NEK10: variants seen among roughly 807,000 people sequenced by gnomAD.
NEK10 encodes NIMA related kinase 10.
A neutral mutation model predicts 159.8 loss-of-function variants in NEK10; 122 were observed. That is an observed-to-expected ratio of 0.76 (90% CI 0.66 to 0.89). The LOEUF (loss-of-function observed/expected upper bound fraction) is 0.89, where lower values mean the gene tolerates loss of function less well. Among genes scored for constraint, NEK10 ranks in the 40% least tolerant of loss-of-function variants. The probability of loss-of-function intolerance (pLI) is 0.00; values close to 1 mark genes in which losing one functional copy is unlikely to be tolerated. For synonymous variants in NEK10, 466 were observed against 457.1 expected, an observed-to-expected ratio of 1.02 and a Z score of -0.25; for missense variants, 1,342 against 1,323.1, an observed-to-expected ratio of 1.01 and a Z score of -0.22.
chr3:27,231,015 T>C (rs775807722), intron 23 of NEK10, among the ~76,000 whole-genome samples: 3 of 151,970 alleles, frequency 2.0e-5, no homozygotes, highest in African/African-American at 4.8e-5. Context: ...CAAATGGACT[T>C]AACAGGTATT....
chr3:27,230,052 C>A (rs1953070003), intron 23 of NEK10, among the ~76,000 whole-genome samples: 1 of 151,982 alleles, frequency 6.6e-6, no homozygotes, highest in Admixed American at 6.6e-5. Context: ...AAGATCATCA[C>A]AAAAGCACAT....
chr3:27,259,814 T>C lies in NEK10; in HGVS notation c.2015-3443A>G, dbSNP rs527523511. ...AACCTATAAATTACCTTGGGCAGTA[T>C]GGCCATTTTCACAATATTGATTCTT... On this transcript the variant is annotated intron_variant, in intron 22 of 35. Transcript: ENST00000691995. Among the ~76,000 whole-genome samples, 1,416 of 152,292 alleles carry C rather than the reference T, an allele frequency of 9.3e-3. 24 individuals carry two copies. Among genetic ancestry groups the C allele is most frequent in the African/African-American group, 0.032 (1,321 of 41,546 alleles).
rs1379027219 is a variant in NEK10, at chr3:27,171,826, G to T, written c.2824C>A (p.Gln942Lys). 1.9e-6 allele frequency: 3 copies of T among 1,613,662 alleles called. No individual in the cohort carries two copies. The highest frequency in any genetic ancestry group is 2.5e-6 in the Non-Finnish European group (3 of 1,179,834). The change falls in exon 29 of 36, where the codon CAA (glutamine) becomes AAA (lysine). Residue 942 changes from glutamine (Q) to lysine (K), a missense_variant. By Grantham distance (53) the Gln-to-Lys change is moderately conservative (BLOSUM62 1). Coordinates refer to ENST00000691995, the MANE Select transcript of NEK10 (RefSeq NM_001394966.1). ...FSASGGERQS[Q>K]TRDFTGGTGS... ...AGTTCAATTTGCACCTACCTTGTTT[G>T]GGATTGTCTTTCTCCTCCTGAAGCA...
intron 23 of NEK10, among the ~76,000 whole-genome samples, chr3:27,220,739 C>T (rs753282473): frequency 2.6e-5 from 4 of 151,530 alleles, no homozygotes; most frequent in African/African-American, 2.4e-5. Flanking sequence ...AAAATAAGAA[C>T]GAAGGACTCA....
chr3:27,113,703 T>C (rs1485460028), intron 35 of NEK10, among the ~76,000 whole-genome samples: 1 of 152,206 alleles, frequency 6.6e-6, no homozygotes, highest in Non-Finnish European at 1.5e-5. Context: ...AATAAAGCCA[T>C]ATGTCTTTGG....
chr3:27,197,488 T>C (rs778698988), intron 25 of NEK10, among the ~76,000 whole-genome samples: 4 of 152,124 alleles, frequency 2.6e-5, no homozygotes, highest in Non-Finnish European at 5.9e-5. Context: ...AAATCACTTC[T>C]TAGAGTTTGC....
At chr3:27,320,748 C>T (rs922058643) in intron 6 of NEK10, among the ~76,000 whole-genome samples, 4 of 152,132 alleles carry the variant, frequency 2.6e-5, no homozygotes, top group South Asian at 2.1e-4. Flanking sequence ...TACAATAGCA[C>T]GAGGCCAGTT....
chr3:27,333,382 C>T (rs2046563985), intron 5 of NEK10, among the ~76,000 whole-genome samples: 3 of 151,820 alleles, frequency 2.0e-5, no homozygotes, highest in Admixed American at 2.0e-4. Context: ...CCTGTCTCTA[C>T]TAAAAATACA....
At chr3:27,306,397 A>G (rs1159618117) in intron 11 of NEK10, among the ~76,000 whole-genome samples, 1 of 151,990 alleles carries the variant, frequency 6.6e-6, no homozygotes, top group Non-Finnish European at 1.5e-5. Flanking sequence ...TCCCTCCCAA[A>G]TTTTGTGCTC....
In NEK10 at chr3:27,146,599, C is replaced by T. The variant is rs1575498441; in HGVS notation, c.2870-5017G>A. 2.6e-5 allele frequency among the ~76,000 whole-genome samples: 4 copies of T among 152,120 alleles called. No individual in the cohort carries two copies. The South Asian group carries it at 8.3e-4, about 32-fold the overall frequency. Reference sequence around the variant, plus strand: ...CTATCATAACAATGAAATAAAGTAACGTAATTGTAGTTCAAATCTGTAAGT... The same window carrying T: ...CTATCATAACAATGAAATAAAGTAATGTAATTGTAGTTCAAATCTGTAAGT... On this transcript the variant is annotated intron_variant, in intron 30 of 35. Transcript: ENST00000691995.
intron 23 of NEK10, among the ~76,000 whole-genome samples, chr3:27,218,561 C>T (rs1456232740): frequency 1.4e-5 from 2 of 147,506 alleles, no homozygotes; most frequent in Non-Finnish European, 3.0e-5. Flanking sequence ...GCCGAGATCA[C>T]GCCACTGCAC....
chr3:27,111,627 C>A (rs140511972), intron 35 of NEK10, among the ~76,000 whole-genome samples: 1 of 152,048 alleles, frequency 6.6e-6, no homozygotes, highest in African/African-American at 2.4e-5. Context: ...CTAATTTACA[C>A]GCTTATCAGT....
At chr3:27,281,585 G>C (rs569168664) in intron 22 of NEK10, among the ~76,000 whole-genome samples, 6 of 151,738 alleles carry the variant, frequency 4.0e-5, no homozygotes, top group African/African-American at 1.5e-4. Flanking sequence ...TCCAATAAGA[G>C]GGTCCCATAA....
chr3:27,344,335 T>A lies in NEK10; in HGVS notation c.299A>T (p.His100Leu). Residue 100 changes from histidine (H) to leucine (L), a missense_variant, in exon 5 of 36, where the codon CAT becomes CTT. Physicochemically the swap from His to Leu is moderately conservative, Grantham distance 99. Coordinates refer to ENST00000691995, the MANE Select transcript of NEK10 (RefSeq NM_001394966.1). ...NYKNERNFSK[H>L]PQRKLFQEIF... is the part of the protein sequence containing the mutation. ...CTCCTGAAATAGTTTACGCTGAGGA[T>A]GTTTGCTGAAATTTCTCTCATTCTT... is the stretch of plus-strand genomic sequence containing the variant. 2 of 1,595,920 alleles carry A rather than the reference T, an allele frequency of 1.3e-6. No homozygotes were observed. The highest frequency in any genetic ancestry group is 1.7e-6 in the Non-Finnish European group (2 of 1,167,350).
At chr3:27,116,179 G>C in intron 33 of NEK10, 52 bp from the exon 34 acceptor site, 1 of 1,550,670 alleles carries the variant, frequency 6.4e-7, no homozygotes, top group Non-Finnish European at 8.9e-7. Flanking sequence ...CATTTTCTTA[G>C]TTATTCTTTA....
chr3:27,180,445 G>T (rs536460502), intron 26 of NEK10, among the ~76,000 whole-genome samples: 1 of 150,846 alleles, frequency 6.6e-6, no homozygotes, highest in African/African-American at 2.4e-5. Flanking sequence ...GGGGAAGGGA[G>T]GGGAAGGGAA....
intron 22 of NEK10, among the ~76,000 whole-genome samples, chr3:27,269,331 C>T (rs1174627210): frequency 2.6e-5 from 4 of 152,136 alleles, no homozygotes; most frequent in African/African-American, 4.8e-5. Flanking sequence ...ATGCTACAGA[C>T]ATTTATTTTG....
At chr3:27,136,894 C>A (rs1248558753) in intron 31 of NEK10, among the ~76,000 whole-genome samples, 2 of 152,198 alleles carry the variant, frequency 1.3e-5, no homozygotes, top group African/African-American at 4.8e-5. Flanking sequence ...TTTAGGGCAG[C>A]TACCAAGTGT....
intron 6 of NEK10, among the ~76,000 whole-genome samples, chr3:27,321,725 T>C (rs2045654348): frequency 6.6e-6 from 1 of 151,992 alleles, no homozygotes; most frequent in Non-Finnish European, 1.5e-5. Context: ...CAAATTTGAC[T>C]CTAGAGGTTG....
Sources: gnomAD v4.1 joint callset for allele counts (sites outside exome capture counted in the v4.1 genomes callset) on GRCh38, gnomAD v4.1.1 for gene constraint, MANE v1.5 for transcripts, NCBI Gene and HGNC (gene_info 2026-07-23, HGNC 2026-07-21) for gene names.